Variants in KLHDC4 observed in about 807,000 individuals in gnomAD.
KLHDC4 encodes the protein kelch domain-containing protein 4.
Under a neutral mutation model 62.4 loss-of-function variants are expected in KLHDC4, and 90 were observed. That is an observed-to-expected ratio of 1.44 (90% CI 1.22 to 1.72). KLHDC4 has a LOEUF of 1.72. Among genes scored for constraint, KLHDC4 ranks in the 40% most tolerant of loss-of-function variants. The probability of loss-of-function intolerance (pLI) is 0.00; values close to 1 mark genes in which losing one functional copy is unlikely to be tolerated. For missense variants in KLHDC4, 1,025 were observed against 699.7 expected, an observed-to-expected ratio of 1.47 and a Z score of -5.25; for synonymous variants, 386 against 284.4, an observed-to-expected ratio of 1.36 and a Z score of -3.59.
At chr16:87,752,089 C>CAAAAAAAAAAAAAA (rs1173625123) in intron 4 of KLHDC4, among the ~76,000 whole-genome samples, 7 of 29,468 alleles carry the variant, frequency 2.4e-4, no homozygotes, top group East Asian at 1.0e-3. Context: ...GACTTTGTCT[C>CAAAAAAAAAAAAAA]AAAAAAAAAA....
At chr16:87,756,753 C>T (rs1013542829) in intron 2 of KLHDC4, among the ~76,000 whole-genome samples, 1 of 150,984 alleles carries the variant, frequency 6.6e-6, no homozygotes, top group African/African-American at 2.4e-5. Context: ...ATTCCCCAGG[C>T]AGGAATAAGT....
At chr16:87,745,203 A>G (rs1567783719) in intron 5 of KLHDC4, among the ~76,000 whole-genome samples, 1 of 152,052 alleles carries the variant, frequency 6.6e-6, no homozygotes, top group Admixed American at 6.5e-5. Context: ...CTCACCCTAC[A>G]CCCATATTGC....
At chr16:87,722,184 G>C (rs1292845730) in intron 7 of KLHDC4, among the ~76,000 whole-genome samples, 1 of 152,222 alleles carries the variant, frequency 6.6e-6, no homozygotes. Context: ...AGTCATCATA[G>C]TCAAAGCACT....
chr16:87,705,517 G>C (rs2034559798), downstream of KLHDC4, among the ~76,000 whole-genome samples: 1 of 152,238 alleles, frequency 6.6e-6, no homozygotes, highest in Non-Finnish European at 1.5e-5. Context: ...AATGCTTTCT[G>C]TGTAAGAAAG....
chr16:87,743,425 T>G (rs1481494753), intron 5 of KLHDC4, among the ~76,000 whole-genome samples: 1 of 152,072 alleles, frequency 6.6e-6, no homozygotes, highest in Non-Finnish European at 1.5e-5. Flanking sequence ...CAGGCCATTT[T>G]AAACTTGACT....
chr16:87,742,850 G>T (rs141432872), intron 5 of KLHDC4: 8 of 152,206 alleles, frequency 5.3e-5, no homozygotes, highest in African/African-American at 1.9e-4. Flanking sequence ...CCCTCCAGAC[G>T]AGTTGCCCTA....
exon 1 of KLHDC4, chr16:87,702,368 G>T: frequency 2.3e-6 from 1 of 438,042 alleles, no homozygotes. Context: ...CAGGGGCAGG[G>T]GGGCGGGCCC....
downstream of KLHDC4, among the ~76,000 whole-genome samples, chr16:87,704,609 G>A (rs2034447428): frequency 6.6e-6 from 1 of 151,784 alleles, no homozygotes; most frequent in South Asian, 2.1e-4. Context: ...AGGCGCCTGG[G>A]GAGGGTCCTG....
chr16:87,755,665 C>G, intron 3 of KLHDC4: 1 of 191,746 alleles, frequency 5.2e-6, no homozygotes, highest in Non-Finnish European at 1.1e-5. Context: ...CTCCCAGGTG[C>G]AAGTGATTCT....
intron 5 of KLHDC4, among the ~76,000 whole-genome samples, chr16:87,731,709 T>C (rs1015007090): frequency 2.0e-5 from 3 of 152,098 alleles, no homozygotes; most frequent in South Asian, 2.1e-4. Context: ...ACATAAGACA[T>C]GGACTCAAGA....
At chr16:87,709,888 G>A (rs1397346427) in intron 9 of KLHDC4, 1 of 584,244 alleles carries the variant, frequency 1.7e-6, no homozygotes, top group Non-Finnish European at 3.0e-6. Context: ...CCTGGGCTGG[G>A]GCAGAAAACC....
At chr16:87,731,332 A>C (rs937573489) in intron 5 of KLHDC4, among the ~76,000 whole-genome samples, 3 of 152,010 alleles carry the variant, frequency 2.0e-5, no homozygotes, top group African/African-American at 7.3e-5. Flanking sequence ...TCAGACTCCC[A>C]AAGTGCTGAG....
chr16:87,712,756 G>T (rs1343615682), intron 8 of KLHDC4, among the ~76,000 whole-genome samples: 1 of 152,236 alleles, frequency 6.6e-6, no homozygotes, highest in Non-Finnish European at 1.5e-5. Context: ...GAATTTTAGT[G>T]CAAGAAGGAG....
rs2040171907 is a variant in KLHDC4, at chr16:87,730,585, AAT to A, written c.564_565del (p.Gln188HisfsTer9). ...TTCATGGAAGCCACCAAACAGGATC[AAT>A]TGTCTCTTCCAGGCCACCATCCGAT... On this transcript the variant is annotated frameshift_variant, in exon 6 of 12. Transcript: ENST00000270583. LOFTEE classifies it high-confidence loss of function. 3.1e-6 allele frequency: 5 copies of A among 1,612,988 alleles called. No individual in the cohort carries two copies. The African/African-American group carries it at 4.0e-5, about 13-fold the overall frequency.
At chr16:87,758,617 GGAA>G (rs546980429) in intron 2 of KLHDC4, among the ~76,000 whole-genome samples, 44 of 152,208 alleles carry the variant, frequency 2.9e-4, no homozygotes, top group East Asian at 1.9e-3. Flanking sequence ...GGGCTACAAT[GGAA>G]GAAGAATTGT....
chr16:87,709,228 G>C, intron 10 of KLHDC4, 37 bp downstream of exon 10: 1 of 1,583,624 alleles, frequency 6.3e-7, no homozygotes, highest in Non-Finnish European at 8.6e-7. Flanking sequence ...GTGGGCTCTC[G>C]CTCCCGGGCA....
At chr16:87,727,238 T>C (rs900296778) in intron 6 of KLHDC4, among the ~76,000 whole-genome samples, 1 of 152,196 alleles carries the variant, frequency 6.6e-6, no homozygotes, top group African/African-American at 2.4e-5. Flanking sequence ...ACGTATGAGT[T>C]TGCATTTGAA....
intron 5 of KLHDC4, among the ~76,000 whole-genome samples, chr16:87,744,708 T>C (rs755550967): frequency 3.3e-5 from 5 of 151,934 alleles, no homozygotes; most frequent in African/African-American, 4.8e-5. Flanking sequence ...ACCATAAAGC[T>C]ACAGTAATTA....
chr16:87,730,764 C>A, intron 5 of KLHDC4, 120 bp from the exon 6 acceptor site: 1 of 801,186 alleles, frequency 1.2e-6, no homozygotes. Flanking sequence ...GCACTTACTG[C>A]TCACAAATTA....
Sources: allele counts gnomAD v4.1 joint callset (sites outside exome capture counted in the v4.1 genomes callset), GRCh38; gene constraint gnomAD v4.1.1; transcripts MANE v1.5; gene names NCBI Gene and HGNC (gene_info 2026-07-23, HGNC 2026-07-21).